PTPRD: variants seen among roughly 807,000 people sequenced by gnomAD.
The protein encoded by PTPRD is protein tyrosine phosphatase receptor type D, also known as receptor-type tyrosine-protein phosphatase delta.
In PTPRD, 34 loss-of-function variants were observed where a neutral mutation model predicts 214.5. That is an observed-to-expected ratio of 0.16 (90% CI 0.12 to 0.21). PTPRD has a LOEUF of 0.21. PTPRD is among the 10% of genes least tolerant of loss of function. The pLI is 1.00. For missense variants in PTPRD, 2,545 were observed against 2,398.7 expected (o/e 1.06, Z -1.27); for synonymous variants, 1,128 against 845.7 (o/e 1.33, Z -5.79).
intron 22 of PTPRD, among the ~76,000 whole-genome samples, chr9:8,504,636 T>A (rs955055310): frequency 6.6e-6 from 1 of 152,180 alleles, no homozygotes; most frequent in Non-Finnish European, 1.5e-5. Flanking sequence ...AAGTCAGAGA[T>A]CTTTTTAATG....
rs183477630 is a variant in PTPRD, at chr9:8,678,159, C to T, written c.65-41315G>A. On this transcript the variant is annotated intron_variant, in intron 12 of 45. Coordinates refer to ENST00000381196, the MANE Select transcript of PTPRD (RefSeq NM_002839.4). Reference sequence around the variant, plus strand: ...AACGCATTAAACATCCAGAAAACTGCTTCCTTGTTAGAGCGCACAGGGAAG... The same window carrying T: ...AACGCATTAAACATCCAGAAAACTGTTTCCTTGTTAGAGCGCACAGGGAAG... Among the ~76,000 whole-genome samples, 581 of 152,268 alleles carry T rather than the reference C, an allele frequency of 3.8e-3. 3 individuals are homozygous for T. The highest frequency in any genetic ancestry group is 0.013 in the African/African-American group (550 of 41,546).
At chr9:8,935,017 A>G (rs989981065) in intron 11 of PTPRD, among the ~76,000 whole-genome samples, 21 of 152,158 alleles carry the variant, frequency 1.4e-4, no homozygotes, top group South Asian at 6.2e-4. Flanking sequence ...ATACTTATAT[A>G]TACACACACA....
intron 11 of PTPRD, among the ~76,000 whole-genome samples, chr9:8,937,993 G>A (rs1036877657): frequency 1.3e-5 from 2 of 152,080 alleles, no homozygotes; most frequent in Non-Finnish European, 2.9e-5. Flanking sequence ...ATACAATTTA[G>A]TCTTACTAAA....
At chr9:9,989,862 C>T (rs2154077521) in intron 4 of PTPRD, among the ~76,000 whole-genome samples, 1 of 152,304 alleles carries the variant, frequency 6.6e-6, no homozygotes. Flanking sequence ...AGCTCCTGCA[C>T]CTGCTCACCT....
rs544928541 is a variant in PTPRD at position 9,702,961 on chromosome 9, T to C, written c.-287+31572A>G. Among the ~76,000 whole-genome samples the C allele has an allele frequency of 1.1e-4, 16 of 152,286 alleles. No homozygotes were observed. The East Asian group carries it at 2.1e-3, about 20-fold the overall frequency. On this transcript the variant is annotated intron_variant, in intron 7 of 45. Coordinates refer to ENST00000381196, the MANE Select transcript of PTPRD (RefSeq NM_002839.4). ...GTCTAGATCCAGAAAGCCAATCTAA[T>C]ACTATTCTCTTTTTAAACAGAATGT...
intron 5 of PTPRD, among the ~76,000 whole-genome samples, chr9:9,782,429 G>T (rs752686835): frequency 5.3e-5 from 8 of 152,072 alleles, no homozygotes; most frequent in Non-Finnish European, 1.0e-4. Context: ...GAACACATTT[G>T]CATCTTTAAA....
At chr9:9,935,658 A>C (rs2088997150) in intron 5 of PTPRD, among the ~76,000 whole-genome samples, 1 of 148,184 alleles carries the variant, frequency 6.7e-6, no homozygotes, top group East Asian at 1.9e-4. Flanking sequence ...TGCCCAAGGT[A>C]ATTTACAGAT....
chr9:9,818,399 G>T (rs544745225), intron 5 of PTPRD, among the ~76,000 whole-genome samples: 5 of 152,182 alleles, frequency 3.3e-5, no homozygotes, highest in African/African-American at 1.2e-4. Context: ...GGTGTGACAA[G>T]TAAGGGAATA....
chr9:8,740,703 A>G (rs1027977748), intron 11 of PTPRD, among the ~76,000 whole-genome samples: 2 of 152,158 alleles, frequency 1.3e-5, no homozygotes, highest in African/African-American at 2.4e-5. Flanking sequence ...AAAAACTCCA[A>G]ATTTTTCTGT....
At chr9:9,261,318 T>C (rs1478350475) in intron 9 of PTPRD, among the ~76,000 whole-genome samples, 2 of 151,890 alleles carry the variant, frequency 1.3e-5, no homozygotes, top group Admixed American at 1.3e-4. Context: ...CACGTTAAAA[T>C]ACCTCCTATT....
In PTPRD at chr9:8,315,783, C is replaced by G. The variant is rs962302985; in HGVS notation, c.*2091G>C. On this transcript the variant is annotated 3_prime_UTR_variant, in exon 46 of 46. Coordinates refer to ENST00000381196, the MANE Select transcript of PTPRD (RefSeq NM_002839.4). ...CCTTCCATGCAGAACATCCATGAAG[C>G]TAAAATTAAACCAAAGTAGTATACT... The G allele has an allele frequency of 4.4e-6, 1 of 228,172 alleles. No individual in the cohort carries two copies. Among genetic ancestry groups the G allele is most frequent in the African/African-American group, 2.2e-5 (1 of 45,012 alleles). The allele number at this position is 228,172 out of a possible 1,614,324, so 14.1% of individuals were successfully genotyped here. A position where few individuals can be genotyped will look rare whatever the true frequency, so the allele number is the denominator to read the frequency against.
intron 9 of PTPRD, among the ~76,000 whole-genome samples, chr9:9,289,057 TGAG>T (rs1950361380): frequency 6.6e-6 from 1 of 151,830 alleles, no homozygotes; most frequent in African/African-American, 2.4e-5. Context: ...ATTAACAGCA[TGAG>T]AACAAACTAA....
At chr9:9,915,002 T>C (rs1226987616) in intron 5 of PTPRD, among the ~76,000 whole-genome samples, 3 of 152,178 alleles carry the variant, frequency 2.0e-5, no homozygotes, top group Non-Finnish European at 2.9e-5. Context: ...ACTCACTGTG[T>C]GCACACATAT....
chr9:10,162,159 C>T (rs190458934), intron 3 of PTPRD, among the ~76,000 whole-genome samples: 124 of 151,564 alleles, frequency 8.2e-4, no homozygotes, highest in African/African-American at 2.9e-3. Context: ...GAAAAAATCA[C>T]AACTACCTTA....
intron 2 of PTPRD, among the ~76,000 whole-genome samples, chr9:10,495,400 T>A (rs1480251173): frequency 6.6e-6 from 1 of 151,824 alleles, no homozygotes; most frequent in Non-Finnish European, 1.5e-5. Flanking sequence ...AAGAGAGGAA[T>A]CTGGGCTTCC....
At chr9:10,058,077 T>G (rs993106789) in intron 3 of PTPRD, among the ~76,000 whole-genome samples, 6 of 151,922 alleles carry the variant, frequency 3.9e-5, no homozygotes, top group Non-Finnish European at 5.9e-5. Flanking sequence ...AAGACAAGAG[T>G]GGAAATGTAA....
chr9:9,236,928 C>G (rs2099967156), intron 9 of PTPRD, among the ~76,000 whole-genome samples: 1 of 152,126 alleles, frequency 6.6e-6, no homozygotes, highest in African/African-American at 2.4e-5. Flanking sequence ...CTTGAAAAGG[C>G]TGCACCTTTT....
At chr9:8,910,500 A>G (rs2154260426) in intron 11 of PTPRD, among the ~76,000 whole-genome samples, 1 of 152,190 alleles carries the variant, frequency 6.6e-6, no homozygotes, top group Middle Eastern at 3.4e-3. Flanking sequence ...TGGCTTTACA[A>G]GAGAGGAAGA....
rs188909281 is a variant in PTPRD, at chr9:9,170,881, A to G, written c.-143+12423T>C. ...TAGGAGGGAAGCAAGATGGTCCAGA[A>G]TGATAATGAGCCAGCCTCAGGATCT... On this transcript the variant is annotated intron_variant, in intron 10 of 45. Transcript: ENST00000381196. Among the ~76,000 whole-genome samples the G allele has an allele frequency of 3.0e-3, 454 of 152,256 alleles. 6 individuals are homozygous for G. Among genetic ancestry groups the G allele is most frequent in the Non-Finnish European group, 6.6e-4 (45 of 68,022 alleles).
Sources: gnomAD v4.1 joint callset for allele counts (sites outside exome capture counted in the v4.1 genomes callset) on GRCh38, gnomAD v4.1.1 for gene constraint, MANE v1.5 for transcripts, NCBI Gene and HGNC (gene_info 2026-07-23, HGNC 2026-07-21) for gene names.